Variants in ARHGAP36 observed in about 807,000 individuals in gnomAD.
The protein encoded by ARHGAP36 is Rho GTPase activating protein 36.
ARHGAP36 carries 7 observed loss-of-function variants against 32.9 expected under a neutral mutation model. That is an observed-to-expected ratio of 0.21 (90% CI 0.12 to 0.40). ARHGAP36 has a LOEUF of 0.40. ARHGAP36 is among the 10% of genes least tolerant of loss of function. ARHGAP36 has a pLI of 1.00. For missense variants in ARHGAP36, 383 were observed against 442.2 expected (o/e 0.87, Z 1.20); for synonymous variants, 165 against 168.3 (o/e 0.98, Z 0.15).
At chrX:131,080,615 G>T (rs1396013512) in intron 1 of ARHGAP36, among the ~76,000 whole-genome samples, 1 of 111,746 alleles carries the variant, frequency 8.9e-6, no homozygotes, top group African/African-American at 3.3e-5. Context: ...TAAGATAGTG[G>T]GCATCATGGA....
intron 6 of ARHGAP36, 31 bp downstream of exon 6, chrX:131,084,712 TC>T: frequency 8.3e-7 from 1 of 1,208,469 alleles, no homozygotes; most frequent in Non-Finnish European, 1.1e-6. Flanking sequence ...TGTTTGTTCC[TC>T]CAATAAGAAA....
At position 131,083,151 on chromosome X, in the gene ARHGAP36, TTC is replaced by T. The variant is rs1026743809; in HGVS notation, c.254-10_254-9del. The T allele has an allele frequency of 9.1e-6, 11 of 1,207,164 alleles. No homozygotes were observed. Among genetic ancestry groups the T allele is most frequent in the Admixed American group, 2.2e-5 (1 of 45,738 alleles). On this transcript the variant is annotated splice_polypyrimidine_tract_variant and intron_variant, in intron 2 of 11. Transcript: ENST00000276211. ...TATTTGTAAGTGTATCTTTTCTTTT[TTC>T]TCTTTCTGTAGCTCTGCCTATTGAC...
At chrX:131,072,277 GA>G (rs1036554285) in intron 1 of ARHGAP36, among the ~76,000 whole-genome samples, 39 of 111,853 alleles carry the variant, frequency 3.5e-4, no homozygotes, top group Admixed American at 9.4e-4. Context: ...ATTGAACTTT[GA>G]AAAAAATGAC....
In ARHGAP36 at chrX:131,088,657, G is replaced by A. The variant is rs759870698; in HGVS notation, c.1516G>A (p.Gly506Ser). 6 of 1,209,011 alleles carry A rather than the reference G, an allele frequency of 5.0e-6. No homozygotes were observed. The South Asian group carries it at 7.1e-5, about 14-fold the overall frequency. Residue 506 changes from glycine (G) to serine (S), a missense_variant, in exon 12 of 12, where the codon GGC (glycine) becomes AGC (serine). Physicochemically the swap from Gly to Ser is moderately conservative, Grantham distance 56 (BLOSUM62 0). Transcript: ENST00000276211. Reference sequence around the variant, plus strand: ...CTCTGAGGAGCCAGCTGTGCCTTCCGGCACTGCCCGTTCCCATGACGATGA... The same window carrying A: ...CTCTGAGGAGCCAGCTGTGCCTTCCAGCACTGCCCGTTCCCATGACGATGA... The part of the protein sequence containing the change: ...GSSEEPAVPS[G>S]TARSHDDEEG...
At chrX:131,082,956 C>T (rs1242073060) in intron 2 of ARHGAP36, among the ~76,000 whole-genome samples, 2 of 113,158 alleles carry the variant, frequency 1.8e-5, no homozygotes, top group Non-Finnish European at 3.7e-5. Context: ...TGGTTAAATT[C>T]TTGGAGTCTG....
At chrX:131,086,492 C>A in intron 10 of ARHGAP36, 66 bp downstream of exon 10, 1 of 1,201,682 alleles carries the variant, frequency 8.3e-7, no homozygotes, top group Non-Finnish European at 1.1e-6. Flanking sequence ...TTTTCCAACT[C>A]CAGACTATCT....
In ARHGAP36 at chrX:131,088,741, C is replaced by T. The variant is rs371342192; in HGVS notation, c.1600C>T (p.Arg534Trp). The T allele has an allele frequency of 2.9e-5, 35 of 1,209,174 alleles. No homozygotes were observed. Among genetic ancestry groups the T allele is most frequent in the South Asian group, 3.5e-5 (2 of 56,449 alleles). Reference protein sequence around the residue: ...EQDRPLLRVPREKEAKTGVSY... With the variant: ...EQDRPLLRVPWEKEAKTGVSY... ...AGACCGCCCATTGCTCCGTGTGCCC[C>T]GGGAGAAGGAGGCCAAAACTGGCGT... The change falls in exon 12 of 12, where the codon CGG becomes TGG. Residue 534 changes from arginine to tryptophan, a missense_variant. Around this residue, in one of 2 missense-constraint regions of ARHGAP36, gnomAD observed 227 missense variants for 311.3 expected, o/e 0.73. Coordinates refer to ENST00000276211, the MANE Select transcript of ARHGAP36 (RefSeq NM_144967.4).
intron 4 of ARHGAP36, 24 bp downstream of exon 4, chrX:131,083,993 A>G: frequency 8.4e-7 from 1 of 1,197,139 alleles, no homozygotes; most frequent in Non-Finnish European, 1.1e-6. Flanking sequence ...TCCAGGTTTC[A>G]GGCAGGGGCC....
In ARHGAP36 at chrX:131,077,764, CATATATATAT is replaced by C. The variant is rs72142237; in HGVS notation, c.-142-3727_-142-3718del. Among the ~76,000 whole-genome samples the C allele has an allele frequency of 4.0e-3, 352 of 87,010 alleles. 4 individuals are homozygous for C. Among genetic ancestry groups the C allele is most frequent in the Admixed American group, 0.018 (144 of 8,033 alleles). The allele number at this position is 87,010 out of a possible 115,157, so 75.6% of individuals were successfully genotyped here. A position where few individuals can be genotyped will look rare whatever the true frequency, so the allele number is the denominator to read the frequency against. ...GCCCCTTTACTTATCCAAATAAAAT[CATATATATAT>C]ATATATATATATATATATATATATA... On this transcript the variant is annotated intron_variant, in intron 1 of 11. Transcript: ENST00000276211.
chrX:131,087,058 G>C (rs1028996494), intron 11 of ARHGAP36, among the ~76,000 whole-genome samples: 3 of 111,578 alleles, frequency 2.7e-5, no homozygotes, highest in African/African-American at 9.8e-5. Context: ...TATGGTCCCA[G>C]ACCTTGAAGG....
chrX:131,066,470 A>G (rs1325935364), intron 1 of ARHGAP36, among the ~76,000 whole-genome samples: 1 of 112,043 alleles, frequency 8.9e-6, no homozygotes, highest in Non-Finnish European at 1.9e-5. Flanking sequence ...AGTGAGGTGC[A>G]CTTGTGCCTA....
intron 1 of ARHGAP36, among the ~76,000 whole-genome samples, chrX:131,062,469 C>T (rs1049895531): frequency 1.3e-4 from 14 of 110,951 alleles, no homozygotes; most frequent in African/African-American, 3.9e-4. Flanking sequence ...TGACTAGATC[C>T]GGCCAGCCAA....
intron 1 of ARHGAP36, among the ~76,000 whole-genome samples, chrX:131,080,234 A>G (rs1265824762): frequency 9.0e-6 from 1 of 111,146 alleles, no homozygotes; most frequent in Non-Finnish European, 1.9e-5. Context: ...CCTTTGCACA[A>G]GCTGTTCTCT....
rs148176587 is a variant in ARHGAP36 at position 131,081,680 on chromosome X, T to A, written c.15T>A (p.Ile5=). 8.3e-6 allele frequency: 10 copies of A among 1,209,919 alleles called. No individual in the cohort carries two copies. Among genetic ancestry groups the A allele is most frequent in the Non-Finnish European group, 1.0e-5 (9 of 895,034 alleles). Residue 5 remains isoleucine, a synonymous_variant, in exon 2 of 12, where the codon ATT becomes ATA. Transcript: ENST00000276211. MGGC[I]PFLKAARALC... ...CCGATTCCAGAATGGGTGGCTGCATTCCTTTTCTGAAGGCAGCAAGGGCAC... is the reference window on the plus strand; with the variant it reads ...CCGATTCCAGAATGGGTGGCTGCATACCTTTTCTGAAGGCAGCAAGGGCAC...
rs373819698 is a variant in ARHGAP36 at position 131,069,707 on chromosome X, T to C, written c.-143+11263T>C. Among the ~76,000 whole-genome samples the C allele has an allele frequency of 2.4e-4, 27 of 111,496 alleles. No individual in the cohort carries two copies. In the South Asian group the frequency reaches 0.01, roughly 43 times the overall value. On this transcript the variant is annotated intron_variant, in intron 1 of 11. Transcript: ENST00000276211. Reference sequence around the variant, plus strand: ...GGAAATGCCTGCACCAATGATTTGGTGATGCCATTCACTGGCCACAAGAGA... The same window carrying C: ...GGAAATGCCTGCACCAATGATTTGGCGATGCCATTCACTGGCCACAAGAGA...
At chrX:131,083,526 C>T (rs887317197) in intron 3 of ARHGAP36, among the ~76,000 whole-genome samples, 1 of 111,934 alleles carries the variant, frequency 8.9e-6, no homozygotes, top group African/African-American at 3.3e-5. Context: ...CCTCGAGCCT[C>T]GTCGGGGTGG....
chrX:131,089,086 C>A lies in ARHGAP36; in HGVS notation c.*301C>A. 1 of 225,066 alleles carries A rather than the reference C, an allele frequency of 4.4e-6. No homozygotes were observed. The highest frequency in any genetic ancestry group is 7.9e-6 in the Non-Finnish European group (1 of 125,873). The allele number at this position is 225,066 out of a possible 1,213,427, so 18.5% of individuals were successfully genotyped here. A position where few individuals can be genotyped will look rare whatever the true frequency, so the allele number is the denominator to read the frequency against. ...TTTCTCTCTCTCTCTGCAGACTTTC[C>A]TTTAATTGATGTGACATTTGTGGTA... On this transcript the variant is annotated 3_prime_UTR_variant, in exon 12 of 12. Coordinates refer to ENST00000276211, the MANE Select transcript of ARHGAP36 (RefSeq NM_144967.4).
rs550369656 is a variant in ARHGAP36 at position 131,086,480 on chromosome X, G to A, written c.1379+54G>A. On this transcript the variant is annotated intron_variant, in intron 10 of 11. Transcript: ENST00000276211. ...TAGCCTGAAGTACCTCCTCCTATGG[G>A]GTTTTCCAACTCCAGACTATCTTTA... 389 of 1,197,102 alleles carry A rather than the reference G, an allele frequency of 3.2e-4. 1 individual carries two copies. The highest frequency in any genetic ancestry group is 1.6e-3 in the South Asian group (90 of 56,373).
intron 11 of ARHGAP36, 117 bp from the exon 12 acceptor site, chrX:131,088,511 C>A (rs1487510451): frequency 2.9e-6 from 2 of 691,317 alleles, no homozygotes; most frequent in Non-Finnish European, 4.2e-6. Flanking sequence ...TCATCCCTGT[C>A]CTACCTTCTT....
Sources: gnomAD v4.1 joint callset for allele counts (sites outside exome capture counted in the v4.1 genomes callset) on GRCh38, gnomAD v4.1.1 for gene constraint, gnomAD v4.1.1 regional missense constraint, MANE v1.5 for transcripts, NCBI Gene and HGNC (gene_info 2026-07-23, HGNC 2026-07-21) for gene names.